FNBP1L: variants seen among roughly 807,000 people sequenced by gnomAD.
FNBP1L encodes the protein formin binding protein 1 like.
A neutral mutation model predicts 91.2 loss-of-function variants in FNBP1L; 36 were observed. That is an observed-to-expected ratio of 0.39 (90% CI 0.30 to 0.52). The LOEUF is 0.52. FNBP1L is among the 20% of genes least tolerant of loss of function. FNBP1L has a pLI of 0.66. For synonymous variants in FNBP1L, 242 were observed against 237.0 expected (o/e 1.02, Z -0.19); for missense variants, 571 against 732.1 (o/e 0.78, Z 2.54).
chr1:93,551,729 AT>A, intron 16 of FNBP1L: 10 of 984,968 alleles, frequency 1.0e-5, no homozygotes, highest in Non-Finnish European at 1.2e-5. Context: ...GAGTTTCAAA[AT>A]AAATCTCCTG....
intron 1 of FNBP1L, among the ~76,000 whole-genome samples, chr1:93,458,194 C>A (rs1668737787): frequency 6.6e-6 from 1 of 152,180 alleles, no homozygotes; most frequent in South Asian, 2.1e-4. Context: ...AAAATAGCAT[C>A]TTCTACTAGT....
At chr1:93,530,918 A>AT (rs1364037804) in intron 7 of FNBP1L, 35 bp downstream of exon 7, 1 of 1,469,958 alleles carries the variant, frequency 6.8e-7, no homozygotes, top group Admixed American at 2.3e-5. Context: ...CTAGTTTTAG[A>AT]TTAACTGGTG....
At chr1:93,486,294 T>C (rs1570792581) in intron 1 of FNBP1L, among the ~76,000 whole-genome samples, 1 of 152,184 alleles carries the variant, frequency 6.6e-6, no homozygotes, top group South Asian at 2.1e-4. Context: ...TACAGTTATT[T>C]TGGAATTAAA....
At chr1:93,468,162 T>C (rs1464340319) in intron 1 of FNBP1L, among the ~76,000 whole-genome samples, 1 of 152,196 alleles carries the variant, frequency 6.6e-6, no homozygotes, top group Non-Finnish European at 1.5e-5. Flanking sequence ...TCTCAACAGA[T>C]TTACCTATTC....
chr1:93,473,561 ATACTT>A (rs1203468513), intron 1 of FNBP1L, among the ~76,000 whole-genome samples: 2 of 152,212 alleles, frequency 1.3e-5, no homozygotes, highest in South Asian at 2.1e-4. Flanking sequence ...CATTTATAAA[ATACTT>A]TATAGAAAGC....
Position 93,468,240 on chromosome 1 carries a change from T to C in FNBP1L, c.24+19935T>C, listed in dbSNP as rs528287933. On this transcript the variant is annotated intron_variant, in intron 1 of 16. Coordinates refer to ENST00000271234, the MANE Select transcript of FNBP1L (RefSeq NM_001164473.3). Reference sequence around the variant, plus strand: ...GGTGACTGGCATGTTTCAGTTAGTTTAAATGTTTTCAAGGCTCATGCATAC... The same window carrying C: ...GGTGACTGGCATGTTTCAGTTAGTTCAAATGTTTTCAAGGCTCATGCATAC... Among the ~76,000 whole-genome samples the C allele has an allele frequency of 3.9e-5, 6 of 152,328 alleles. No individual in the cohort carries two copies. In the South Asian group the frequency reaches 1.2e-3, roughly 32 times the overall value.
At chr1:93,494,696 T>C (rs1214880461) in intron 1 of FNBP1L, among the ~76,000 whole-genome samples, 1 of 152,236 alleles carries the variant, frequency 6.6e-6, no homozygotes, top group Non-Finnish European at 1.5e-5. Flanking sequence ...TTTCTTATTA[T>C]GTAGCTGTAT....
intron 2 of FNBP1L, among the ~76,000 whole-genome samples, chr1:93,506,381 C>G (rs1221314836): frequency 6.6e-6 from 1 of 152,026 alleles, no homozygotes; most frequent in African/African-American, 2.4e-5. Context: ...CCATACTGGC[C>G]TCAAAGCTGT....
intron 9 of FNBP1L, 41 bp downstream of exon 9, chr1:93,534,949 G>A (rs1473230580): frequency 1.7e-5 from 26 of 1,487,580 alleles, no homozygotes; most frequent in Non-Finnish European, 2.4e-5. Context: ...CAGTTTAAGT[G>A]TACCAACTAA....
At position 93,448,270 on chromosome 1, in the gene FNBP1L, G is replaced by C; in HGVS notation, c.-12G>C. The C allele has an allele frequency of 1.3e-6, 2 of 1,520,952 alleles. No homozygotes were observed. The highest frequency in any genetic ancestry group is 1.8e-6 in the Non-Finnish European group (2 of 1,133,976). The allele number at this position is 1,520,952 out of a possible 1,614,324, so 94.2% of individuals were successfully genotyped here. On this transcript the variant is annotated 5_prime_UTR_variant, in exon 1 of 17. Transcript: ENST00000271234. ...GGACAGCGGCACCGCCAGACGGCCA[G>C]AAAGTTCCGCCATGAGCTGGGGCAC... is the stretch of plus-strand genomic sequence containing the variant.
Position 93,448,316 on chromosome 1 carries a change from G to A in FNBP1L, c.24+11G>A, listed in dbSNP as rs571248433. The A allele has an allele frequency of 7.3e-5, 110 of 1,508,090 alleles. No individual in the cohort carries two copies. Among genetic ancestry groups the A allele is most frequent in the Non-Finnish European group, 8.9e-5 (100 of 1,129,386 alleles). The allele number at this position is 1,508,090 out of a possible 1,614,324, so 93.4% of individuals were successfully genotyped here. A position where few individuals can be genotyped will look rare whatever the true frequency, so the allele number is the denominator to read the frequency against. The stretch of plus-strand genomic sequence containing the variant: ...GGCACGGAGCTGTGGGTGAGTCGGG[G>A]AGAGGGGCGCCCCGCACGGACCCCG... On this transcript the variant is annotated intron_variant, in intron 1 of 16. Transcript: ENST00000271234.
intron 1 of FNBP1L, among the ~76,000 whole-genome samples, chr1:93,468,516 G>A (rs539451490): frequency 6.6e-6 from 1 of 152,194 alleles, no homozygotes; most frequent in Non-Finnish European, 1.5e-5. Context: ...CTGCAGCCTC[G>A]ACTTCCTGGG....
chr1:93,494,019 A>G (rs1243679666), intron 1 of FNBP1L, among the ~76,000 whole-genome samples: 6 of 152,206 alleles, frequency 3.9e-5, no homozygotes, highest in African/African-American at 1.4e-4. Context: ...GAGTTGGTAC[A>G]GATCCTACCG....
At chr1:93,538,259 AT>A (rs35394326) in intron 10 of FNBP1L, among the ~76,000 whole-genome samples, 71,060 of 144,738 alleles carry the variant, frequency 0.49, 19,911 homozygotes, top group Non-Finnish European at 0.62. Flanking sequence ...GTGTCATCTT[AT>A]TTTTTTTTTT....
rs192159289 is a variant in FNBP1L, at chr1:93,475,345, G to C, written c.25-24123G>C. On this transcript the variant is annotated intron_variant, in intron 1 of 16. Transcript: ENST00000271234. ...GGCCAAGGTGGGAGGATCACTTGAGGCCAGAAGCAACGTAGAGAGACACCT... is the reference window on the plus strand; with the variant it reads ...GGCCAAGGTGGGAGGATCACTTGAGCCCAGAAGCAACGTAGAGAGACACCT... Among the ~76,000 whole-genome samples, 290 of 151,846 alleles carry C rather than the reference G, an allele frequency of 1.9e-3. 2 individuals are homozygous for C. The highest frequency in any genetic ancestry group is 6.7e-3 in the African/African-American group (279 of 41,414).
chr1:93,507,466 T>G (rs1478160617), intron 2 of FNBP1L, among the ~76,000 whole-genome samples: 1 of 152,160 alleles, frequency 6.6e-6, no homozygotes, highest in East Asian at 1.9e-4. Flanking sequence ...ACTTACCTAT[T>G]AAAATTTATT....
chr1:93,539,362 A>G (rs928578214), intron 10 of FNBP1L, among the ~76,000 whole-genome samples: 2 of 151,868 alleles, frequency 1.3e-5, no homozygotes, highest in African/African-American at 4.8e-5. Context: ...GTATATGAGA[A>G]TAAGATATTT....
intron 1 of FNBP1L, among the ~76,000 whole-genome samples, chr1:93,463,996 T>C (rs1257417118): frequency 6.6e-6 from 1 of 152,190 alleles, no homozygotes; most frequent in Non-Finnish European, 1.5e-5. Flanking sequence ...TCCAAGATCA[T>C]GTAGAATAGT....
intron 1 of FNBP1L, among the ~76,000 whole-genome samples, chr1:93,485,062 G>A (rs1291770298): frequency 6.6e-6 from 1 of 151,566 alleles, no homozygotes; most frequent in Non-Finnish European, 1.5e-5. Flanking sequence ...GAGGCAGGAG[G>A]ATTGCTTGAG....
Sources: gnomAD v4.1 joint callset for allele counts (sites outside exome capture counted in the v4.1 genomes callset) on GRCh38, gnomAD v4.1.1 for gene constraint, MANE v1.5 for transcripts, NCBI Gene and HGNC (gene_info 2026-07-23, HGNC 2026-07-21) for gene names.